The following NFKBIB variants were observed in gnomAD, a reference collection of about 807,000 sequenced individuals.
The protein encoded by NFKBIB is NFKB inhibitor beta, also known as NF-kappa-B inhibitor beta.
NFKBIB carries 16 observed loss-of-function variants against 32.1 expected under a neutral mutation model. The ratio of observed to expected loss-of-function variants is 0.50; its 90% confidence interval spans 0.34 to 0.76. NFKBIB has a LOEUF of 0.76. Ranked by LOEUF, NFKBIB falls within the 30% of genes least tolerant of loss-of-function variation. The pLI is 0.01. For synonymous variants in NFKBIB, 222 were observed against 219.5 expected (o/e 1.01, Z -0.10); for missense variants, 437 against 514.9 (o/e 0.85, Z 1.46).
At chr19:38,904,511 C>T (rs927002980) in intron 1 of NFKBIB, among the ~76,000 whole-genome samples, 9 of 152,148 alleles carry the variant, frequency 5.9e-5, no homozygotes, top group East Asian at 1.9e-4. Flanking sequence ...ACTCTAGCCA[C>T]GCTGGCCTCC....
intron 5 of NFKBIB, chr19:38,908,175 G>A (rs888761027): frequency 1.0e-6 from 1 of 995,222 alleles, no homozygotes; most frequent in Non-Finnish European, 1.2e-6. Flanking sequence ...AAGGGGTGGA[G>A]GAGGGCCAGC....
Position 38,900,002 on chromosome 19 carries a change from A to G in NFKBIB, c.-31A>G, listed in dbSNP as rs1406588367. The stretch of plus-strand genomic sequence containing the variant: ...GGCAAAGCCCAGCTACAGGCGGGCG[A>G]CTGCGGGGGGCCCCTGAGGCGGCGG... On this transcript the variant is annotated 5_prime_UTR_variant, in exon 1 of 6. Transcript: ENST00000313582. The G allele has an allele frequency of 1.4e-6, 2 of 1,443,734 alleles. No homozygotes were observed. Among genetic ancestry groups the G allele is most frequent in the Non-Finnish European group, 1.8e-6 (2 of 1,102,128 alleles). The allele number at this position is 1,443,734 out of a possible 1,614,324, so 89.4% of individuals were successfully genotyped here. A position where few individuals can be genotyped will look rare whatever the true frequency, so the allele number is the denominator to read the frequency against.
intron 3 of NFKBIB, 148 bp from the exon 4 acceptor site, chr19:38,907,073 A>C (rs539633343): frequency 1.6e-5 from 11 of 705,978 alleles, no homozygotes; most frequent in Admixed American, 2.6e-5. Flanking sequence ...TTTGGTACCC[A>C]GGTACCTCTT....
rs781557345 is a variant in NFKBIB, at chr19:38,908,821, C to T, written c.1060C>T (p.Arg354Cys). ...CTCAAAACCTCTTCCTGACGACCCC[C>T]GCCCCGTGTGATTTGTTTCATTGTT... ...PASKPLPDDPRPV is the reference protein window; with the variant it reads ...PASKPLPDDPCPV The change falls in exon 6 of 6, where the codon CGC becomes TGC. Residue 354 changes from arginine (R) to cysteine (C), a missense_variant. By Grantham distance (180) the Arg-to-Cys change is radical. Transcript: ENST00000313582. 8.1e-6 allele frequency: 13 copies of T among 1,610,584 alleles called. No individual in the cohort carries two copies. In the East Asian group the frequency reaches 8.9e-5, roughly 11 times the overall value.
upstream of NFKBIB, chr19:38,899,958 C>A: frequency 7.2e-7 from 1 of 1,394,928 alleles, no homozygotes; most frequent in Non-Finnish European, 9.4e-7. Flanking sequence ...TCCCGCAGGG[C>A]GGAAGCTCCA....
intron 5 of NFKBIB, chr19:38,907,979 T>G: frequency 8.3e-7 from 1 of 1,198,112 alleles, no homozygotes; most frequent in Non-Finnish European, 1.0e-6. Context: ...CAGCAAGAAT[T>G]GGAGAACTCA....
intron 3 of NFKBIB, 110 bp from the exon 4 acceptor site, chr19:38,907,111 C>A (rs572979069): frequency 1.3e-5 from 13 of 969,526 alleles, no homozygotes; most frequent in Admixed American, 2.3e-5. Context: ...CAGGAACCAG[C>A]CCCCAAACCT....
intron 3 of NFKBIB, among the ~76,000 whole-genome samples, chr19:38,906,675 T>C (rs1974133546): frequency 6.6e-6 from 1 of 150,564 alleles, no homozygotes; most frequent in South Asian, 2.1e-4. Context: ...TTCACCATGT[T>C]AGCCAGGATG....
intron 1 of NFKBIB, 120 bp from the exon 2 acceptor site, chr19:38,904,895 A>G: frequency 1.2e-6 from 1 of 849,860 alleles, no homozygotes; most frequent in Non-Finnish European, 1.9e-6. Flanking sequence ...CAGATAGCTG[A>G]CAGGGGGTTC....
Position 38,907,456 on chromosome 19 carries a change from G to A in NFKBIB, c.766G>A (p.Val256Met). Residue 256 changes from valine to methionine, a missense_variant, in exon 5 of 6, where the codon GTG becomes ATG. Coordinates refer to ENST00000313582, the MANE Select transcript of NFKBIB (RefSeq NM_002503.5). ...HLAVEAQAADVLELLLRAGAN... is the reference protein window; with the variant it reads ...HLAVEAQAADMLELLLRAGAN... ...GGCAGTGGAGGCCCAGGCAGCCGAT[G>A]TGCTGGAGCTTCTCCTGAGGGCAGG... 2 of 1,608,826 alleles carry A rather than the reference G, an allele frequency of 1.2e-6. No individual in the cohort carries two copies. Among genetic ancestry groups the A allele is most frequent in the Non-Finnish European group, 8.5e-7 (1 of 1,176,944 alleles).
intron 1 of NFKBIB, among the ~76,000 whole-genome samples, chr19:38,902,076 A>ATTTTTTTTTTTT (rs1444689459): frequency 4.7e-5 from 3 of 64,020 alleles, no homozygotes; most frequent in Admixed American, 2.1e-4. Context: ...AGTGTTTTTC[A>ATTTTTTTTTTTT]TTTTATTTCT....
chr19:38,905,548 A>C lies in NFKBIB; in HGVS notation c.619+13A>C. On this transcript the variant is annotated intron_variant, in intron 3 of 5. Coordinates refer to ENST00000313582, the MANE Select transcript of NFKBIB (RefSeq NM_002503.5). The surrounding 1 kb of genome is among the most constrained non-coding windows in gnomAD (Gnocchi z 5.5). Reference sequence around the variant, plus strand: ...GAAAACTACGAGGGTGAGGGTCGTCACCAGGGAAGGACTCAGCTCCTGGGC... The same window carrying C: ...GAAAACTACGAGGGTGAGGGTCGTCCCCAGGGAAGGACTCAGCTCCTGGGC... The C allele has an allele frequency of 6.3e-7, 1 of 1,586,438 alleles. No individual in the cohort carries two copies. Among genetic ancestry groups the C allele is most frequent in the Non-Finnish European group, 8.6e-7 (1 of 1,165,654 alleles).
intron 1 of NFKBIB, among the ~76,000 whole-genome samples, chr19:38,902,751 G>C (rs906425391): frequency 6.6e-6 from 1 of 152,222 alleles, no homozygotes; most frequent in Non-Finnish European, 1.5e-5. Context: ...GGCTGCTTTT[G>C]CACTGACACA....
At chr19:38,904,268 A>G (rs1974048448) in intron 1 of NFKBIB, among the ~76,000 whole-genome samples, 1 of 152,050 alleles carries the variant, frequency 6.6e-6, no homozygotes, top group African/African-American at 2.4e-5. Flanking sequence ...CTTCCTGAGT[A>G]TCCCACCCGA....
chr19:38,900,030 G>T lies in NFKBIB; in HGVS notation c.-3G>T. ...GCGGGGGGCCCCTGAGGCGGCGGGG[G>T]CCATGGCTGGGGTCGCGTGCTTGGG... is the stretch of plus-strand genomic sequence containing the variant. On this transcript the variant is annotated 5_prime_UTR_variant, in exon 1 of 6. Transcript: ENST00000313582. 6.8e-7 allele frequency: 1 copy of T among 1,469,280 alleles called. No homozygotes were observed. The highest frequency in any genetic ancestry group is 1.4e-5 in the African/African-American group (1 of 70,884). The allele number at this position is 1,469,280 out of a possible 1,614,324, so 91.0% of individuals were successfully genotyped here. A position where few individuals can be genotyped will look rare whatever the true frequency, so the allele number is the denominator to read the frequency against.
In NFKBIB at chr19:38,900,097, G is replaced by T; in HGVS notation, c.65G>T (p.Gly22Val). ...DADEWCDSGL[G>V]SLGPDAAAPG... is the part of the protein sequence containing the mutation. ...GATGAATGGTGCGACAGCGGCCTGG[G>T]CTCCCTGGGTCCGGACGCAGCGGCC... Residue 22 changes from glycine (G) to valine (V), a missense_variant, in exon 1 of 6, where the codon GGC (glycine) becomes GTC (valine). By Grantham distance (109) the Gly-to-Val change is moderately radical. Transcript: ENST00000313582. 6.4e-7 allele frequency: 1 copy of T among 1,561,092 alleles called. No individual in the cohort carries two copies.
chr19:38,905,048 A>C lies in NFKBIB; in HGVS notation c.213A>C (p.Glu71Asp). 2 of 1,613,964 alleles carry C rather than the reference A, an allele frequency of 1.2e-6. No homozygotes were observed. The highest frequency in any genetic ancestry group is 1.7e-6 in the Non-Finnish European group (2 of 1,179,970). Reference protein sequence around the residue: ...ALHLAVIHQHEPFLDFLLGFS... With the variant: ...ALHLAVIHQHDPFLDFLLGFS... ...ACTTGGCTGTGATTCATCAGCATGA[A>C]CCCTTCCTGGATTTTCTTCTAGGCT... Residue 71 changes from glutamate (E) to aspartate (D), a missense_variant, in exon 2 of 6, where the codon GAA (glutamate) becomes GAC (aspartate). By Grantham distance (45) the Glu-to-Asp change is conservative (BLOSUM62 2). Coordinates refer to ENST00000313582, the MANE Select transcript of NFKBIB (RefSeq NM_002503.5). This position sits in a 1 kb window ranked among gnomAD's most constrained non-coding sequence, Gnocchi z 5.5.
At chr19:38,903,529 C>G (rs1351128146) in intron 1 of NFKBIB, among the ~76,000 whole-genome samples, 1 of 152,054 alleles carries the variant, frequency 6.6e-6, no homozygotes, top group Non-Finnish European at 1.5e-5. Flanking sequence ...CTCAAGTGAT[C>G]TGCCCGCCTT....
Position 38,908,793 on chromosome 19 carries a change from A to G in NFKBIB, c.1032A>G (p.Pro344=), listed in dbSNP as rs1974237971. ...SRSQTRLPPT[P]ASKPLPDDPR... ...GCCAAACCCGGCTGCCTCCCACCCC[A>G]GCCTCAAAACCTCTTCCTGACGACC... The change falls in exon 6 of 6, where the codon CCA becomes CCG. Residue 344 remains proline, a synonymous_variant. Transcript: ENST00000313582. 3 of 1,613,520 alleles carry G rather than the reference A, an allele frequency of 1.9e-6. No individual in the cohort carries two copies. Among genetic ancestry groups the G allele is most frequent in the East Asian group, 2.2e-5 (1 of 44,800 alleles).
Sources: gnomAD v4.1 joint callset for allele counts (sites outside exome capture counted in the v4.1 genomes callset) on GRCh38, gnomAD v4.1.1 for gene constraint, Gnocchi (gnomAD v3.1) non-coding constraint, MANE v1.5 for transcripts, NCBI Gene and HGNC (gene_info 2026-07-23, HGNC 2026-07-21) for gene names.